FRYL: variants seen among roughly 807,000 people sequenced by gnomAD.
The protein encoded by FRYL is protein furry homolog-like.
A neutral mutation model predicts 351.2 loss-of-function variants in FRYL; 150 were observed. That is an observed-to-expected ratio of 0.43 (90% CI 0.37 to 0.49). FRYL has a LOEUF of 0.49. FRYL is among the 20% of genes least tolerant of loss of function. The probability of loss-of-function intolerance (pLI) is 0.00; values close to 1 mark genes in which losing one functional copy is unlikely to be tolerated. For missense variants in FRYL, 3,036 were observed against 3,619.3 expected (o/e 0.84, Z 4.13); for synonymous variants, 1,153 against 1,257.1 (o/e 0.92, Z 1.75).
chr4:48,742,128 G>A (rs1282566501), intron 1 of FRYL, among the ~76,000 whole-genome samples: 1 of 152,208 alleles, frequency 6.6e-6, no homozygotes, highest in Non-Finnish European at 1.5e-5. Flanking sequence ...GAAGGAAACA[G>A]GAAGTCTCTG....
chr4:48,637,537 A>C (rs1482599063), intron 3 of FRYL: 1 of 151,986 alleles, frequency 6.6e-6, no homozygotes, highest in African/African-American at 2.4e-5. Flanking sequence ...GAAGGAAGAC[A>C]TAACTGTTAA....
In FRYL at chr4:48,540,945, A is replaced by G; in HGVS notation, c.5703T>C (p.Asp1901=). ...CTGCATACTTGTTTCCCATTATAGG[A>G]TCATGATATGAGGTTCTTAAAAAAA... The part of the protein sequence containing the change: ...LSALSQTSYH[D]PIMGNKYAAN... Residue 1901 remains aspartate (D), a synonymous_variant, in exon 46 of 64, where the codon GAT becomes GAC. Transcript: ENST00000358350. The G allele has an allele frequency of 6.3e-7, 1 of 1,593,508 alleles. No homozygotes were observed. Among genetic ancestry groups the G allele is most frequent in the Non-Finnish European group, 8.6e-7 (1 of 1,167,174 alleles).
intron 49 of FRYL, among the ~76,000 whole-genome samples, chr4:48,532,984 C>A (rs970423586): frequency 2.6e-5 from 4 of 152,112 alleles, no homozygotes; most frequent in Non-Finnish European, 4.4e-5. Flanking sequence ...GGAGATTTTA[C>A]AGAAAAATGT....
rs1238751657 is a variant in FRYL, at chr4:48,656,105, TATAC to T, written c.-80-21619_-80-21616del. ...ATAATTTTATATAATGTATATATTGTATACATATATACATAAATAATATATACAA... is the reference window on the plus strand; with the variant it reads ...ATAATTTTATATAATGTATATATTGTATATATACATAAATAATATATACAA... On this transcript the variant is annotated intron_variant, in intron 3 of 63. Coordinates refer to ENST00000358350, the MANE Select transcript of FRYL (RefSeq NM_015030.2). Among the ~76,000 whole-genome samples, 7 of 105,488 alleles carry T rather than the reference TATAC, an allele frequency of 6.6e-5. No homozygotes were observed. The East Asian group carries it at 2.0e-3, about 30-fold the overall frequency. 69.2% of individuals were successfully genotyped at this position (105,488 alleles called of 152,430 possible).
intron 42 of FRYL, 84 bp from the exon 43 acceptor site, chr4:48,544,988 T>A: frequency 7.2e-7 from 1 of 1,384,136 alleles, no homozygotes; most frequent in South Asian, 1.6e-5. Context: ...ATTACACCTT[T>A]ACAATTAGAA....
intron 2 of FRYL, among the ~76,000 whole-genome samples, chr4:48,697,871 T>C (rs1316677561): frequency 2.6e-5 from 4 of 151,860 alleles, no homozygotes; most frequent in Non-Finnish European, 5.9e-5. Flanking sequence ...ATGAGGATAG[T>C]ACAGAATGGG....
rs1213224765 is a variant in FRYL at position 48,510,140 on chromosome 4, C to A, written c.8313G>T (p.Leu2771Phe). 3 of 1,612,758 alleles carry A rather than the reference C, an allele frequency of 1.9e-6. No homozygotes were observed. The highest frequency in any genetic ancestry group is 2.5e-6 in the Non-Finnish European group (3 of 1,178,834). The change falls in exon 59 of 64, where the codon TTG (leucine) becomes TTT (phenylalanine). Residue 2771 changes from leucine (L) to phenylalanine (F), a missense_variant. Around this residue, in one of 7 missense-constraint regions of FRYL, gnomAD observed 1,987 missense variants for 2,311.7 expected, o/e 0.86. Transcript: ENST00000358350. ...AAACACCAAACTTGAGTGTTTCCAGCAAACCACATGACATCAGCTGTCAAA... is the reference window on the plus strand; with the variant it reads ...AAACACCAAACTTGAGTGTTTCCAGAAAACCACATGACATCAGCTGTCAAA... ...VDAETLMSCG[L>F]LETLKFGVLE...
intron 25 of FRYL, among the ~76,000 whole-genome samples, chr4:48,574,225 T>C (rs1026687642): frequency 5.9e-5 from 9 of 152,202 alleles, no homozygotes; most frequent in African/African-American, 1.9e-4. Context: ...AATTTAATCA[T>C]GTATCGAAAA....
chr4:48,572,356 T>A (rs1738518345), intron 26 of FRYL, among the ~76,000 whole-genome samples: 1 of 152,200 alleles, frequency 6.6e-6, no homozygotes, highest in African/African-American at 2.4e-5. Flanking sequence ...AGCTAGTAGT[T>A]TTTCATGAGA....
At chr4:48,656,036 TATA>T (rs1028971007) in intron 3 of FRYL, among the ~76,000 whole-genome samples, 131 of 136,076 alleles carry the variant, frequency 9.6e-4, no homozygotes, top group African/African-American at 3.2e-3. Context: ...ATAATGTATG[TATA>T]ATATGTAATG....
chr4:48,542,614 C>T (rs1255399838), intron 44 of FRYL, among the ~76,000 whole-genome samples: 1 of 152,162 alleles, frequency 6.6e-6, no homozygotes, highest in East Asian at 1.9e-4. Flanking sequence ...ACAGATTTCG[C>T]CATGTTGGCC....
At chr4:48,664,878 T>C (rs984320658) in intron 3 of FRYL, among the ~76,000 whole-genome samples, 5 of 152,112 alleles carry the variant, frequency 3.3e-5, no homozygotes, top group African/African-American at 9.7e-5. Context: ...GCTGAAACAG[T>C]TGGACCAGAA....
chr4:48,636,179 T>C (rs1270468468), intron 3 of FRYL, among the ~76,000 whole-genome samples: 3 of 152,142 alleles, frequency 2.0e-5, no homozygotes, highest in Non-Finnish European at 4.4e-5. Flanking sequence ...CAATGACCTG[T>C]TTGTTTACTC....
intron 2 of FRYL, among the ~76,000 whole-genome samples, chr4:48,690,976 G>A (rs1431453090): frequency 6.6e-6 from 1 of 152,140 alleles, no homozygotes; most frequent in African/African-American, 2.4e-5. Flanking sequence ...TCCAAAGTTT[G>A]TCTTTCCTCT....
chr4:48,700,414 A>G (rs1339729680), intron 2 of FRYL, among the ~76,000 whole-genome samples: 2 of 152,192 alleles, frequency 1.3e-5, no homozygotes, highest in Non-Finnish European at 1.5e-5. Flanking sequence ...GCAGTATTTT[A>G]CTTATGACAA....
At chr4:48,523,202 C>T in intron 53 of FRYL, 98 bp from the exon 54 acceptor site, 5 of 736,834 alleles carry the variant, frequency 6.8e-6, no homozygotes, top group Non-Finnish European at 1.1e-5. Flanking sequence ...ATGAAAAATA[C>T]TTAATGCATC....
chr4:48,542,967 C>A (rs1165162759), intron 44 of FRYL, among the ~76,000 whole-genome samples: 1 of 152,150 alleles, frequency 6.6e-6, no homozygotes, highest in South Asian at 2.1e-4. Flanking sequence ...TGAAGTCCTG[C>A]CTCTTACCAG....
intron 25 of FRYL, 23 bp from the exon 26 acceptor site, chr4:48,573,266 T>A: frequency 6.9e-7 from 1 of 1,457,936 alleles, no homozygotes. Context: ...TGGTACATAT[T>A]CTATTAATAG....
At chr4:48,641,152 C>T (rs568489192) in intron 3 of FRYL, among the ~76,000 whole-genome samples, 10 of 152,162 alleles carry the variant, frequency 6.6e-5, no homozygotes, top group East Asian at 5.8e-4. Flanking sequence ...GAAAACTCTA[C>T]ATTTGAAAGC....
Sources: gnomAD v4.1 joint callset for allele counts (sites outside exome capture counted in the v4.1 genomes callset) on GRCh38, gnomAD v4.1.1 for gene constraint, gnomAD v4.1.1 regional missense constraint, MANE v1.5 for transcripts, NCBI Gene and HGNC (gene_info 2026-07-23, HGNC 2026-07-21) for gene names.